FBXW11: variants seen among roughly 807,000 people sequenced by gnomAD.
FBXW11 encodes F-box/WD repeat-containing protein 11.
FBXW11 carries 19 observed loss-of-function variants against 77.6 expected under a neutral mutation model. The observed-to-expected ratio is 0.24, with a 90% CI of 0.17 to 0.36. The LOEUF is 0.36. Among genes scored for constraint, FBXW11 ranks in the 10% least tolerant of loss-of-function variants. FBXW11 has a pLI of 1.00. For missense variants in FBXW11, 334 were observed against 704.2 expected, an observed-to-expected ratio of 0.47 and a Z score of 5.95; for synonymous variants, 235 against 249.4, an observed-to-expected ratio of 0.94 and a Z score of 0.54.
chr5:171,880,317 C>T (rs989794949), intron 7 of FBXW11, among the ~76,000 whole-genome samples: 4 of 152,200 alleles, frequency 2.6e-5, no homozygotes. Flanking sequence ...CATTCTGTTG[C>T]CAGCACCACA....
chr5:171,962,261 T>C (rs1207020616), intron 1 of FBXW11, among the ~76,000 whole-genome samples: 2 of 152,208 alleles, frequency 1.3e-5, no homozygotes, highest in Non-Finnish European at 2.9e-5. Flanking sequence ...CTTAAGACTT[T>C]AGCCTTGAGC....
intron 3 of FBXW11, among the ~76,000 whole-genome samples, chr5:171,911,009 G>A (rs839289): frequency 0.86 from 131,275 of 152,184 alleles, 57,864 homozygotes; most frequent in East Asian, 1. Flanking sequence ...TGCCAAAATT[G>A]TAGCTATTTC....
intron 1 of FBXW11, among the ~76,000 whole-genome samples, chr5:171,994,681 A>T (rs1765930694): frequency 6.6e-6 from 1 of 152,198 alleles, no homozygotes; most frequent in South Asian, 2.1e-4. Flanking sequence ...ATTAACTATT[A>T]CTTCTACTAC....
At chr5:171,956,479 C>G (rs185262204) in intron 2 of FBXW11, among the ~76,000 whole-genome samples, 1 of 152,274 alleles carries the variant, frequency 6.6e-6, no homozygotes, top group Admixed American at 6.5e-5. Flanking sequence ...CAGTACAGTT[C>G]CCCAAAGAAA....
intron 2 of FBXW11, among the ~76,000 whole-genome samples, chr5:171,917,764 C>CTGTGTGTGTG (rs1036387534): frequency 1.5e-5 from 1 of 65,674 alleles, no homozygotes; most frequent in Non-Finnish European, 3.5e-5. Flanking sequence ...TCTAGACTCA[C>CTGTGTGTGTG]TCTGTGTGTG....
At chr5:171,987,111 C>T (rs141250133) in intron 1 of FBXW11, among the ~76,000 whole-genome samples, 87 of 152,314 alleles carry the variant, frequency 5.7e-4, no homozygotes, top group African/African-American at 2.1e-3. Flanking sequence ...GGAACAGTTC[C>T]ATCCCCACTC....
intron 1 of FBXW11, among the ~76,000 whole-genome samples, chr5:172,002,414 A>ATG (rs55720474): frequency 0.16 from 22,541 of 143,908 alleles, 1,818 homozygotes; most frequent in African/African-American, 0.18. Context: ...TTTTATATAA[A>ATG]TGTGTGTGTG....
At chr5:171,942,177 CT>C (rs926071986) in intron 2 of FBXW11, among the ~76,000 whole-genome samples, 7 of 151,138 alleles carry the variant, frequency 4.6e-5, no homozygotes, top group African/African-American at 1.7e-4. Context: ...GGAGGATGTT[CT>C]ACATAGTCAT....
intron 3 of FBXW11, among the ~76,000 whole-genome samples, chr5:171,913,840 C>CACACAT (rs1761054939): frequency 6.9e-6 from 1 of 145,152 alleles, no homozygotes; most frequent in Non-Finnish European, 1.5e-5. Context: ...CACACACACA[C>CACACAT]ACACACACAC....
At chr5:171,973,029 C>T (rs554602492) in intron 1 of FBXW11, among the ~76,000 whole-genome samples, 2 of 152,238 alleles carry the variant, frequency 1.3e-5, no homozygotes, top group East Asian at 3.9e-4. Context: ...CTTTCAAGGA[C>T]CACTTACTTG....
chr5:171,983,934 A>C (rs543842042), intron 1 of FBXW11, among the ~76,000 whole-genome samples: 1 of 152,262 alleles, frequency 6.6e-6, no homozygotes, highest in East Asian at 1.9e-4. Flanking sequence ...GCATTTCATC[A>C]ACCAAGTAAA....
At chr5:171,926,951 A>G (rs1285836059) in intron 2 of FBXW11, among the ~76,000 whole-genome samples, 4 of 152,196 alleles carry the variant, frequency 2.6e-5, no homozygotes, top group Admixed American at 1.3e-4. Flanking sequence ...TTTAAATAAA[A>G]GACTCTATCA....
At chr5:171,867,099 T>TG (rs1450614791) in intron 13 of FBXW11, among the ~76,000 whole-genome samples, 1 of 152,216 alleles carries the variant, frequency 6.6e-6, no homozygotes, top group Non-Finnish European at 1.5e-5. Flanking sequence ...CAAACTGAGT[T>TG]GGCATGAAGA....
At chr5:171,984,251 TGCTGTG>T (rs1401622609) in intron 1 of FBXW11, among the ~76,000 whole-genome samples, 4 of 152,254 alleles carry the variant, frequency 2.6e-5, no homozygotes, top group Admixed American at 6.5e-5. Flanking sequence ...TTACACGATG[TGCTGTG>T]CACACATGTA....
chr5:171,871,716 C>T (rs887005751), intron 10 of FBXW11, among the ~76,000 whole-genome samples: 1 of 152,174 alleles, frequency 6.6e-6, no homozygotes, highest in African/African-American at 2.4e-5. Flanking sequence ...ATAACTTTTT[C>T]TTAGCCTCTC....
At chr5:171,898,950 A>G (rs960319725) in intron 6 of FBXW11, 54 bp downstream of exon 6, 3 of 1,198,144 alleles carry the variant, frequency 2.5e-6, no homozygotes, top group South Asian at 1.4e-5. Context: ...GGCAACATAA[A>G]AAGTTGAGAA....
At chr5:171,979,601 T>C (rs1174504527) in intron 1 of FBXW11, among the ~76,000 whole-genome samples, 1 of 152,164 alleles carries the variant, frequency 6.6e-6, no homozygotes, top group East Asian at 1.9e-4. Context: ...ATAATGGTGG[T>C]GGACTAACTG....
intron 6 of FBXW11, among the ~76,000 whole-genome samples, chr5:171,897,822 C>T (rs770362561): frequency 6.6e-6 from 1 of 151,612 alleles, no homozygotes; most frequent in African/African-American, 2.4e-5. Context: ...TGCCTTAGTA[C>T]AACTACCTGG....
chr5:171,924,083 C>A (rs545278748), intron 2 of FBXW11, among the ~76,000 whole-genome samples: 3 of 151,948 alleles, frequency 2.0e-5, no homozygotes, highest in South Asian at 2.1e-4. Context: ...CGCCACGACA[C>A]CCAACTATTT....
Sources: allele counts gnomAD v4.1 joint callset (sites outside exome capture counted in the v4.1 genomes callset), GRCh38; gene constraint gnomAD v4.1.1; transcripts MANE v1.5; gene names NCBI Gene and HGNC (gene_info 2026-07-23, HGNC 2026-07-21).